FAM185A: variants seen among roughly 807,000 people sequenced by gnomAD.
FAM185A encodes the protein family with sequence similarity 185 member A.
Under a neutral mutation model 45.7 loss-of-function variants are expected in FAM185A, and 21 were observed. The ratio of observed to expected loss-of-function variants is 0.46; its 90% CI spans 0.33 to 0.66. The LOEUF is 0.66. Among genes scored for constraint, FAM185A ranks in the 30% least tolerant of loss-of-function variants. FAM185A has a pLI of 0.03. For synonymous variants in FAM185A, 117 were observed against 194.0 expected (o/e 0.60, Z 3.30); for missense variants, 305 against 485.4 (o/e 0.63, Z 3.49).
At chr7:102,782,963 A>G (rs1795502988) in intron 6 of FAM185A, among the ~76,000 whole-genome samples, 1 of 151,426 alleles carries the variant, frequency 6.6e-6, no homozygotes, top group African/African-American at 2.4e-5. Flanking sequence ...AGATCTACCA[A>G]GCAAATAGAA....
At chr7:102,840,015 T>G in the FAM185A span, among the ~76,000 whole-genome samples, 1 of 152,174 alleles carries the variant, frequency 6.6e-6, no homozygotes, top group Admixed American at 6.5e-5. Flanking sequence ...TCTTGATGGC[T>G]TACTGGCTGC....
In FAM185A at chr7:102,749,161, C is replaced by T. The variant is rs373478283; in HGVS notation, c.-47C>T. 2.1e-4 allele frequency: 318 copies of T among 1,550,598 alleles called. 1 individual carries two copies. The East Asian group carries it at 7.2e-3, about 35-fold the overall frequency. On this transcript the variant is annotated 5_prime_UTR_variant, in exon 1 of 8. Transcript: ENST00000413034. ...AAGTCGATTGGCCGTGGCAAGTGAC[C>T]CTCCCTGTGGCTGAAGTGTTCTGAG...
rs373366669 is a variant in FAM185A at position 102,749,446 on chromosome 7, G to A, written c.239G>A (p.Arg80Gln). 2 of 1,547,800 alleles carry A rather than the reference G, an allele frequency of 1.3e-6. No individual in the cohort carries two copies. The highest frequency in any genetic ancestry group is 2.0e-5 in the Admixed American group (1 of 50,920). Residue 80 changes from arginine to glutamine, a missense_variant, in exon 1 of 8, where the codon CGG (arginine) becomes CAG (glutamine). Transcript: ENST00000413034. Reference sequence around the variant, plus strand: ...AGCCCGTTTGGTCGGCTGCGGGCGCGGCTCCCGTGCCACCTGGCCGTGAGG... The same window carrying A: ...AGCCCGTTTGGTCGGCTGCGGGCGCAGCTCCCGTGCCACCTGGCCGTGAGG... ...QVSPFGRLRA[R>Q]LPCHLAVRPL...
intron 7 of FAM185A, among the ~76,000 whole-genome samples, chr7:102,800,489 C>CA (rs1232834760): frequency 2.0e-5 from 3 of 151,738 alleles, no homozygotes; most frequent in African/African-American, 7.3e-5. Flanking sequence ...TAACGAAATC[C>CA]AAAAAATGGT....
intron 6 of FAM185A, among the ~76,000 whole-genome samples, chr7:102,777,938 A>G (rs1333107410): frequency 2.0e-5 from 3 of 152,200 alleles, no homozygotes; most frequent in African/African-American, 7.2e-5. Flanking sequence ...CTAAATATGA[A>G]TTTGTCTGTT....
chr7:102,749,620 C>T lies in FAM185A; in HGVS notation c.413C>T (p.Pro138Leu), dbSNP rs563931956. 6.0e-6 allele frequency: 9 copies of T among 1,500,760 alleles called. No individual in the cohort carries two copies. In the East Asian group the frequency reaches 2.0e-4, roughly 33 times the overall value. 93.0% of individuals were successfully genotyped at this position (1,500,760 alleles called of 1,614,324 possible). The change falls in exon 1 of 8, where the codon CCC becomes CTC. Residue 138 changes from proline (P) to leucine (L), a missense_variant. Physicochemically the swap from Pro to Leu is moderately conservative, Grantham distance 98. Transcript: ENST00000413034. ...EMAIVSDTIH[P>L]QASVEVNAPL... is the part of the protein sequence containing the mutation. ...GCCATTGTGTCTGATACTATCCACC[C>T]CCAGGCGTCCGTGGAGGTGAACGCG...
At chr7:102,813,949 T>C (rs1797650482), downstream of FAM185A, among the ~76,000 whole-genome samples, 1 of 152,078 alleles carries the variant, frequency 6.6e-6, no homozygotes, top group African/African-American at 2.4e-5. Context: ...ACAGATCCCT[T>C]TTGACTACAT....
At chr7:102,821,215 C>T in the FAM185A span, among the ~76,000 whole-genome samples, 1,230 of 152,198 alleles carry the variant, frequency 8.1e-3, 28 homozygotes, top group East Asian at 0.065. Flanking sequence ...ATCTCCAGAC[C>T]TATCAGGAAG....
At chr7:102,779,483 G>C (rs887226026) in intron 6 of FAM185A, among the ~76,000 whole-genome samples, 1 of 152,192 alleles carries the variant, frequency 6.6e-6, no homozygotes, top group Non-Finnish European at 1.5e-5. Flanking sequence ...CTTGAAACTT[G>C]ATACATTTAG....
the FAM185A span, chr7:102,822,321 A>C: frequency 2.1e-6 from 2 of 942,838 alleles, no homozygotes. Context: ...TAAACATCAA[A>C]CATTTATTTC....
At chr7:102,804,108 C>T (rs984498319) in intron 7 of FAM185A, among the ~76,000 whole-genome samples, 4 of 152,118 alleles carry the variant, frequency 2.6e-5, no homozygotes, top group Non-Finnish European at 5.9e-5. Flanking sequence ...ACCATACTGC[C>T]AAAAGCAATC....
At chr7:102,828,991 C>T in the FAM185A span, among the ~76,000 whole-genome samples, 1 of 152,138 alleles carries the variant, frequency 6.6e-6, no homozygotes, top group East Asian at 1.9e-4. Context: ...GATGTAACAT[C>T]CTGAGACTGA....
rs181354135 is a variant in FAM185A at position 102,800,715 on chromosome 7, C to A, written c.1067-7575C>A. On this transcript the variant is annotated intron_variant, in intron 7 of 7. Coordinates refer to ENST00000413034, the MANE Select transcript of FAM185A (RefSeq NM_001145268.2). The stretch of plus-strand genomic sequence containing the variant: ...AAAAAAGAAGAAAATATGAACAAAG[C>A]CTCCAAGACATCTGGGAGTATGTTA... Among the ~76,000 whole-genome samples, 37 of 152,022 alleles carry A rather than the reference C, an allele frequency of 2.4e-4. 1 individual carries two copies. In the South Asian group the frequency reaches 7.5e-3, roughly 31 times the overall value.
chr7:102,753,462 G>A (rs1793498585), intron 2 of FAM185A, among the ~76,000 whole-genome samples: 2 of 151,906 alleles, frequency 1.3e-5, no homozygotes, highest in South Asian at 2.1e-4. Flanking sequence ...TTTCAGTCAG[G>A]TGATTTGTTG....
the FAM185A span, among the ~76,000 whole-genome samples, chr7:102,848,424 C>T: frequency 0.034 from 3,293 of 97,824 alleles, 522 homozygotes; most frequent in Non-Finnish European, 0.044. Context: ...GGCGTAGTGG[C>T]GGGCGCCTGT....
intron 7 of FAM185A, among the ~76,000 whole-genome samples, chr7:102,796,982 AATTGT>A: frequency 6.6e-6 from 1 of 152,342 alleles, no homozygotes; most frequent in Non-Finnish European, 1.5e-5. Context: ...AGAACTGATT[AATTGT>A]ATACTTCCTC....
the FAM185A span, among the ~76,000 whole-genome samples, chr7:102,845,713 T>A: frequency 6.6e-6 from 1 of 152,216 alleles, no homozygotes; most frequent in South Asian, 2.1e-4. Context: ...CAGGTTGCTA[T>A]CCTGTCACCC....
the FAM185A span, among the ~76,000 whole-genome samples, chr7:102,817,784 T>C: frequency 1.3e-5 from 2 of 152,186 alleles, no homozygotes; most frequent in African/African-American, 2.4e-5. Flanking sequence ...CTAAATTCCA[T>C]AGAGCACATA....
the FAM185A span, among the ~76,000 whole-genome samples, chr7:102,824,265 T>G: frequency 1.3e-5 from 2 of 152,180 alleles, no homozygotes; most frequent in Non-Finnish European, 1.5e-5. Context: ...TACTTTTGAT[T>G]CCTTGAAAAA....
Sources: gnomAD v4.1 joint callset for allele counts (sites outside exome capture counted in the v4.1 genomes callset) on GRCh38, gnomAD v4.1.1 for gene constraint, MANE v1.5 for transcripts, NCBI Gene and HGNC (gene_info 2026-07-23, HGNC 2026-07-21) for gene names.